Variants in DENND4A observed in about 807,000 individuals in gnomAD.
DENND4A encodes C-myc promoter-binding protein.
DENND4A carries 70 observed loss-of-function variants against 199.3 expected under a neutral mutation model. That is an observed-to-expected ratio of 0.35 (90% CI 0.29 to 0.43). The LOEUF is 0.43. Ranked by LOEUF, DENND4A falls within the 20% of genes least tolerant of loss-of-function variation. The pLI is 1.00. For synonymous variants in DENND4A, 686 were observed against 766.9 expected (o/e 0.89, Z 1.74); for missense variants, 1,723 against 2,255.8 (o/e 0.76, Z 4.78).
intron 14 of DENND4A, among the ~76,000 whole-genome samples, chr15:65,709,319 A>G (rs935103509): frequency 6.6e-6 from 1 of 152,204 alleles, no homozygotes; most frequent in Non-Finnish European, 1.5e-5. Flanking sequence ...TAGTAACAGC[A>G]TTGTATAATT....
intron 11 of DENND4A, among the ~76,000 whole-genome samples, chr15:65,726,792 C>T (rs182166431): frequency 6.6e-6 from 1 of 152,096 alleles, no homozygotes; most frequent in African/African-American, 2.4e-5. Flanking sequence ...CCCCTCTCTA[C>T]TAAAAATACA....
At chr15:65,754,413 T>G (rs187875483) in intron 3 of DENND4A, among the ~76,000 whole-genome samples, 1 of 152,340 alleles carries the variant, frequency 6.6e-6, no homozygotes, top group African/African-American at 2.4e-5. Flanking sequence ...AAGCAGTTAC[T>G]TAACCTCTCT....
chr15:65,765,133 T>C (rs970482874), intron 1 of DENND4A, among the ~76,000 whole-genome samples: 1 of 152,202 alleles, frequency 6.6e-6, no homozygotes, highest in Non-Finnish European at 1.5e-5. Context: ...AATTAACTGA[T>C]TTTCTATTTG....
chr15:65,661,787 A>G lies in DENND4A; in HGVS notation c.*64T>C. The G allele has an allele frequency of 2.9e-6, 4 of 1,375,008 alleles. No individual in the cohort carries two copies. In the South Asian group the frequency reaches 4.7e-5, roughly 16 times the overall value. The allele number at this position is 1,375,008 out of a possible 1,614,324, so 85.2% of individuals were successfully genotyped here. On this transcript the variant is annotated 3_prime_UTR_variant, in exon 33 of 33. Coordinates refer to ENST00000443035, the MANE Select transcript of DENND4A (RefSeq NM_001320835.1). ...ATTGAAGAAAAAATATTTAGAGTCT[A>G]AAAGTGTTATTTTATACACTGACTA...
At chr15:65,746,735 T>C (rs2076410427) in intron 4 of DENND4A, among the ~76,000 whole-genome samples, 1 of 151,692 alleles carries the variant, frequency 6.6e-6, no homozygotes, top group Admixed American at 6.6e-5. Context: ...TCTTGGACAG[T>C]TGTAAAACAA....
intron 13 of DENND4A, among the ~76,000 whole-genome samples, chr15:65,716,996 C>G (rs1468993526): frequency 1.3e-5 from 2 of 152,174 alleles, no homozygotes; most frequent in East Asian, 3.9e-4. Flanking sequence ...TGGCTAATTT[C>G]TACTCATCTT....
At chr15:65,741,606 T>C in intron 5 of DENND4A, 109 bp downstream of exon 5, 1 of 710,056 alleles carries the variant, frequency 1.4e-6, no homozygotes, top group Non-Finnish European at 2.3e-6. Context: ...ATACGGATTG[T>C]AGTCCCAGTC....
At position 65,659,351 on chromosome 15, in the gene DENND4A, T is replaced by TTTTTTTA. The variant is rs2075785606; in HGVS notation, c.*2499_*2500insTAAAAAA. ...TTTTTTTTTTTTTTTTTTTTTTTTT[T>TTTTTTTA]GAGACAGGGTCTTGCTCTGTAATCC... On this transcript the variant is annotated 3_prime_UTR_variant, in exon 33 of 33. Coordinates refer to ENST00000443035, the MANE Select transcript of DENND4A (RefSeq NM_001320835.1). 7.5e-6 allele frequency: 1 copy of TTTTTTTA among 133,314 alleles called. No homozygotes were observed. The highest frequency in any genetic ancestry group is 1.6e-5 in the Non-Finnish European group (1 of 64,192). The allele number at this position is 133,314 out of a possible 1,614,324, so 8.3% of individuals were successfully genotyped here. A position where few individuals can be genotyped will look rare whatever the true frequency, so the allele number is the denominator to read the frequency against.
At chr15:65,707,910 TCCTGACCTTA>T (rs2075115855) in intron 14 of DENND4A, among the ~76,000 whole-genome samples, 1 of 152,036 alleles carries the variant, frequency 6.6e-6, no homozygotes, top group Admixed American at 6.6e-5. Context: ...GGTCAGGAGC[TCCTGACCTTA>T]GGTGATCCGC....
intron 23 of DENND4A, among the ~76,000 whole-genome samples, chr15:65,687,310 T>C (rs2076820411): frequency 6.6e-6 from 1 of 152,178 alleles, no homozygotes; most frequent in Admixed American, 6.5e-5. Context: ...ACTACTGATG[T>C]TCACTACTGT....
Position 65,717,826 on chromosome 15 carries a change from C to A in DENND4A, c.1759G>T (p.Ala587Ser). The A allele has an allele frequency of 1.6e-5, 26 of 1,606,470 alleles. No homozygotes were observed. The highest frequency in any genetic ancestry group is 2.2e-5 in the Non-Finnish European group (26 of 1,176,118). Reference protein sequence around the residue: ...YRSYLRPITQAPSETATDAAS... With the variant: ...YRSYLRPITQSPSETATDAAS... ...GCATCTGTGGCTGTCTCAGATGGGG[C>A]TTGTGTTATTGGCCTTAAGTATGAT... Residue 587 changes from alanine (A) to serine (S), a missense_variant, in exon 13 of 33, where the codon GCC becomes TCC. Transcript: ENST00000443035.
At chr15:65,745,702 T>C (rs1049720220) in intron 4 of DENND4A, among the ~76,000 whole-genome samples, 1 of 152,126 alleles carries the variant, frequency 6.6e-6, no homozygotes, top group Admixed American at 6.5e-5. Context: ...ATAATAACTT[T>C]GGTGACAATA....
At chr15:65,704,835 G>A (rs552344186) in intron 15 of DENND4A, among the ~76,000 whole-genome samples, 1 of 151,716 alleles carries the variant, frequency 6.6e-6, no homozygotes, top group Non-Finnish European at 1.5e-5. Flanking sequence ...CAAGTGATCC[G>A]CCCACCTCAG....
chr15:65,727,110 T>C (rs1018078851), intron 11 of DENND4A, among the ~76,000 whole-genome samples: 25 of 151,762 alleles, frequency 1.6e-4, no homozygotes, highest in Non-Finnish European at 3.2e-4. Flanking sequence ...GGTCAGGAGT[T>C]CCAAACCAGC....
intron 1 of DENND4A, among the ~76,000 whole-genome samples, chr15:65,773,903 G>A (rs974158637): frequency 1.3e-5 from 2 of 152,106 alleles, no homozygotes; most frequent in Admixed American, 6.5e-5. Flanking sequence ...TTAATGGGGT[G>A]GAGGAGGAAT....
intron 1 of DENND4A, chr15:65,766,400 A>G (rs1158325880): frequency 6.6e-6 from 1 of 152,140 alleles, no homozygotes; most frequent in Non-Finnish European, 1.5e-5. Context: ...AATACAGTTG[A>G]CTCTTGAACA....
At chr15:65,772,466 TGGGA>T (rs987555495) in intron 1 of DENND4A, among the ~76,000 whole-genome samples, 1 of 151,970 alleles carries the variant, frequency 6.6e-6, no homozygotes, top group Non-Finnish European at 1.5e-5. Flanking sequence ...CCCAGCACTT[TGGGA>T]GGCCAAGGCA....
chr15:65,721,901 G>GT (rs1485620704), intron 12 of DENND4A, among the ~76,000 whole-genome samples: 1 of 152,286 alleles, frequency 6.6e-6, no homozygotes, highest in East Asian at 1.9e-4. Flanking sequence ...TTCCTTATCA[G>GT]TAATTCTGGA....
intron 7 of DENND4A, among the ~76,000 whole-genome samples, chr15:65,736,561 T>C (rs1195033596): frequency 5.9e-5 from 9 of 151,992 alleles, no homozygotes; most frequent in African/African-American, 2.2e-4. Flanking sequence ...CCACCACACC[T>C]GCCCAGACCA....
Sources: gnomAD v4.1 joint callset for allele counts (sites outside exome capture counted in the v4.1 genomes callset) on GRCh38, gnomAD v4.1.1 for gene constraint, MANE v1.5 for transcripts, NCBI Gene and HGNC (gene_info 2026-07-23, HGNC 2026-07-21) for gene names.